The following ABCB1 variants were observed in gnomAD, a reference collection of about 807,000 sequenced individuals.
The protein encoded by ABCB1 is ATP binding cassette subfamily B member 1, also known as ATP-dependent translocase ABCB1.
ABCB1 carries 69 observed loss-of-function variants against 142.0 expected under a neutral mutation model. The ratio of observed to expected loss-of-function variants is 0.49; its 90% CI spans 0.40 to 0.59. The LOEUF (loss-of-function observed/expected upper bound fraction) is 0.59, where lower values mean the gene tolerates loss of function less well. Among genes scored for constraint, ABCB1 ranks in the 20% least tolerant of loss-of-function variants. The pLI, the probability that ABCB1 is intolerant of heterozygous loss-of-function variation, is 0.00. For synonymous variants in ABCB1, 532 were observed against 539.2 expected, an observed-to-expected ratio of 0.99 and a Z score of 0.18; for missense variants, 1,326 against 1,554.7, an observed-to-expected ratio of 0.85 and a Z score of 2.47.
intron 23 of ABCB1, chr7:87,518,993 A>C: frequency 2.9e-6 from 1 of 340,872 alleles, no homozygotes; most frequent in Non-Finnish European, 5.4e-6. Flanking sequence ...AAAGTCCTTT[A>C]AAAGGAGCCA....
chr7:87,701,463 A>G (rs1431520683), intron 1 of ABCB1, among the ~76,000 whole-genome samples: 1 of 152,214 alleles, frequency 6.6e-6, no homozygotes, highest in African/African-American at 2.4e-5. Context: ...TTTTTAAATT[A>G]TTTAATGAAA....
At chr7:87,668,993 T>G (rs1388951676) in intron 1 of ABCB1, among the ~76,000 whole-genome samples, 1 of 152,006 alleles carries the variant, frequency 6.6e-6, no homozygotes, top group East Asian at 1.9e-4. Flanking sequence ...TATCCGAGCC[T>G]TTTGGTTTAA....
chr7:87,697,824 A>AT (rs1325806846), intron 1 of ABCB1, among the ~76,000 whole-genome samples: 3 of 152,058 alleles, frequency 2.0e-5, no homozygotes, highest in African/African-American at 7.2e-5. Flanking sequence ...AACCTAAGTC[A>AT]TTTTTTCAAG....
intron 4 of ABCB1, among the ~76,000 whole-genome samples, chr7:87,580,214 C>G (rs1273079328): frequency 6.6e-6 from 1 of 152,136 alleles, no homozygotes; most frequent in African/African-American, 2.4e-5. Context: ...CTCCCTTTAG[C>G]ATTTCTTGTC....
At chr7:87,610,226 T>A (rs1480714900) in intron 1 of ABCB1, among the ~76,000 whole-genome samples, 1 of 149,574 alleles carries the variant, frequency 6.7e-6, no homozygotes, top group Non-Finnish European at 1.5e-5. Context: ...AACTAGCTTT[T>A]TCTTTCTTTT....
At chr7:87,697,537 AT>A (rs1828598787) in intron 1 of ABCB1, among the ~76,000 whole-genome samples, 1 of 152,214 alleles carries the variant, frequency 6.6e-6, no homozygotes. Context: ...AGTTTGGAAG[AT>A]TTCTCTAGAT....
At chr7:87,712,249 A>G (rs1292359620) in intron 1 of ABCB1, among the ~76,000 whole-genome samples, 1 of 152,116 alleles carries the variant, frequency 6.6e-6, no homozygotes, top group Non-Finnish European at 1.5e-5. Flanking sequence ...AAGCAACATG[A>G]CACTCGAGAT....
chr7:87,518,338 C>T (rs1425344922), intron 23 of ABCB1, among the ~76,000 whole-genome samples: 2 of 152,100 alleles, frequency 1.3e-5, no homozygotes, highest in Non-Finnish European at 2.9e-5. Context: ...ACCTAAATGC[C>T]CCAATGTCAG....
chr7:87,564,611 A>C (rs1177061276), intron 7 of ABCB1, among the ~76,000 whole-genome samples: 1 of 152,226 alleles, frequency 6.6e-6, no homozygotes, highest in Non-Finnish European at 1.5e-5. Flanking sequence ...GCTCACAGAC[A>C]CAAAGAGGCT....
chr7:87,689,310 A>T (rs1294566737), intron 1 of ABCB1, among the ~76,000 whole-genome samples: 1 of 152,058 alleles, frequency 6.6e-6, no homozygotes, highest in Non-Finnish European at 1.5e-5. Context: ...ATCTGTTTAT[A>T]GCCCTTTGAG....
intron 20 of ABCB1, among the ~76,000 whole-genome samples, chr7:87,532,731 T>G (rs1305056642): frequency 6.6e-6 from 1 of 152,194 alleles, no homozygotes; most frequent in Non-Finnish European, 1.5e-5. Flanking sequence ...GCTGCTGTTC[T>G]GCCTATGAAG....
intron 1 of ABCB1, among the ~76,000 whole-genome samples, chr7:87,644,325 A>G (rs1370993560): frequency 1.3e-5 from 2 of 152,236 alleles, no homozygotes; most frequent in Non-Finnish European, 2.9e-5. Context: ...CTTGGAAGCC[A>G]TCTCCTTGTT....
chr7:87,702,142 CAAAAAAAA>C (rs146127516), intron 1 of ABCB1, among the ~76,000 whole-genome samples: 2 of 16,774 alleles, frequency 1.2e-4, no homozygotes, highest in East Asian at 2.6e-3. Flanking sequence ...GACTCTGTCT[CAAAAAAAA>C]AAAAAAAAAA....
At chr7:87,547,650 A>G (rs1194405696) in intron 14 of ABCB1, among the ~76,000 whole-genome samples, 1 of 152,066 alleles carries the variant, frequency 6.6e-6, no homozygotes, top group Non-Finnish European at 1.5e-5. Context: ...CAGGTGGATC[A>G]CCTGAGGTCA....
chr7:87,566,739 A>G (rs1817797418), intron 6 of ABCB1, 46 bp downstream of exon 6: 1 of 1,565,620 alleles, frequency 6.4e-7, no homozygotes, highest in South Asian at 1.1e-5. Context: ...TCATTTTACT[A>G]AGGATAAGAA....
In ABCB1 at chr7:87,544,844, C is replaced by T. The variant is rs546486709; in HGVS notation, c.2043G>A (p.Lys681=). The stretch of plus-strand genomic sequence containing the variant: ...ATACCAGAGCCTCTTTGGTACTAAG[C>T]TTTCTGTCTTGGGCTTGTGATCCAC... ...SVRGSQAQDR[K]LSTKEALDES... The change falls in exon 16 of 28, where the codon AAG becomes AAA. Residue 681 remains lysine (K), a synonymous_variant. Transcript: ENST00000622132. 4 of 1,614,042 alleles carry T rather than the reference C, an allele frequency of 2.5e-6. No homozygotes were observed. The highest frequency in any genetic ancestry group is 2.2e-5 in the South Asian group (2 of 91,076).
intron 1 of ABCB1, among the ~76,000 whole-genome samples, chr7:87,683,043 C>G (rs1176075061): frequency 6.6e-6 from 1 of 152,178 alleles, no homozygotes; most frequent in African/African-American, 2.4e-5. Flanking sequence ...GCTGCTTCAC[C>G]TTTTTGTTTT....
intron 27 of ABCB1, among the ~76,000 whole-genome samples, 200 bp from the exon 28 acceptor site, chr7:87,504,649 C>CA (rs997727335): frequency 1.3e-4 from 19 of 151,986 alleles, no homozygotes; most frequent in Middle Eastern, 3.4e-3. Flanking sequence ...ATCAAAAATA[C>CA]AAAAAATTAG....
At chr7:87,554,521 A>T (rs1817231963) in intron 8 of ABCB1, among the ~76,000 whole-genome samples, 1 of 152,236 alleles carries the variant, frequency 6.6e-6, no homozygotes, top group East Asian at 1.9e-4. Context: ...TAAGCTGTAC[A>T]ATTTATCTTA....
Sources: allele counts gnomAD v4.1 joint callset (sites outside exome capture counted in the v4.1 genomes callset), GRCh38; gene constraint gnomAD v4.1.1; transcripts MANE v1.5; gene names NCBI Gene and HGNC (gene_info 2026-07-23, HGNC 2026-07-21).